CHERP: variants seen among roughly 807,000 people sequenced by gnomAD.
The protein encoded by CHERP is ERPROT 213-21.
CHERP carries 8 observed loss-of-function variants against 113.8 expected under a neutral mutation model. The observed-to-expected ratio is 0.07, with a 90% CI of 0.04 to 0.13. The LOEUF is 0.13. Among genes scored for constraint, CHERP ranks in the 10% least tolerant of loss-of-function variants. The pLI, the probability that CHERP is intolerant of heterozygous loss-of-function variation, is 1.00. For missense variants in CHERP, 884 were observed against 1,298.2 expected (o/e 0.68, Z 4.90); for synonymous variants, 559 against 524.5 (o/e 1.07, Z -0.90).
chr19:16,541,893 T>C lies in CHERP; in HGVS notation c.176A>G (p.Lys59Arg). The change falls in exon 2 of 17, where the codon AAG becomes AGG. Residue 59 changes from lysine to arginine, a missense_variant. By Grantham distance (26) the Lys-to-Arg change is conservative. Transcript: ENST00000546361. The stretch of plus-strand genomic sequence containing the variant: ...ACGCTGCTGCTGCTCCAGCGCCAGC[T>C]TGCACTTGTAGTAACTGTAGAATTC... ...GGEFYSYYKCKLALEQQQLIC... is the reference protein window; with the variant it reads ...GGEFYSYYKCRLALEQQQLIC... The C allele has an allele frequency of 6.2e-7, 1 of 1,613,124 alleles. No individual in the cohort carries two copies. Among genetic ancestry groups the C allele is most frequent in the Non-Finnish European group, 8.5e-7 (1 of 1,179,798 alleles).
Position 16,519,559 on chromosome 19 carries a change from T to A in CHERP, c.2557+62A>T. The A allele has an allele frequency of 6.9e-7, 1 of 1,448,888 alleles. No homozygotes were observed. The highest frequency in any genetic ancestry group is 9.7e-7 in the Non-Finnish European group (1 of 1,031,770). The allele number at this position is 1,448,888 out of a possible 1,614,324, so 89.8% of individuals were successfully genotyped here. ...TGCACTGAGGAAGAGAAAGCGCTGG[T>A]GACTCCCGGGCCCAGCACGCGTGAG... On this transcript the variant is annotated intron_variant, in intron 16 of 16. Transcript: ENST00000546361. The surrounding 1 kb of genome is among the most constrained non-coding windows in gnomAD (Gnocchi z 6.0).
intron 9 of CHERP, among the ~76,000 whole-genome samples, chr19:16,527,486 C>G (rs1388451278): frequency 1.3e-5 from 2 of 152,176 alleles, no homozygotes; most frequent in Non-Finnish European, 2.9e-5. Flanking sequence ...CCAACCAGGC[C>G]CCACGGGCAA....
chr19:16,530,446 C>G lies in CHERP; in HGVS notation c.876+139G>C. 2.6e-6 allele frequency: 2 copies of G among 765,270 alleles called. No homozygotes were observed. Among genetic ancestry groups the G allele is most frequent in the Non-Finnish European group, 4.5e-6 (2 of 447,112 alleles). 47.4% of individuals were successfully genotyped at this position (765,270 alleles called of 1,614,324 possible). A position where few individuals can be genotyped will look rare whatever the true frequency, so the allele number is the denominator to read the frequency against. Reference sequence around the variant, plus strand: ...CACCTGGGACTCTCTGGTCAACACACACTGGCTACTCCTAGCACAGGCAGG... The same window carrying G: ...CACCTGGGACTCTCTGGTCAACACAGACTGGCTACTCCTAGCACAGGCAGG... On this transcript the variant is annotated intron_variant, in intron 7 of 16. Transcript: ENST00000546361. This position sits in a 1 kb window ranked among gnomAD's most constrained non-coding sequence, Gnocchi z 4.1.
chr19:16,534,943 G>A lies in CHERP; in HGVS notation c.384+509C>T, dbSNP rs911030884. Among the ~76,000 whole-genome samples the A allele has an allele frequency of 4.6e-5, 7 of 152,094 alleles. No individual in the cohort carries two copies. The South Asian group carries it at 8.3e-4, about 18-fold the overall frequency. On this transcript the variant is annotated intron_variant, in intron 3 of 16. Coordinates refer to ENST00000546361, the MANE Select transcript of CHERP (RefSeq NM_006387.6). Reference sequence around the variant, plus strand: ...ATAGAAAAATTAGCCGGGTGTGGTGGTGCATGCCTGTAATCTCAGCTACTC... The same window carrying A: ...ATAGAAAAATTAGCCGGGTGTGGTGATGCATGCCTGTAATCTCAGCTACTC...
intron 3 of CHERP, 64 bp from the exon 4 acceptor site, chr19:16,533,212 G>A: frequency 1.3e-6 from 2 of 1,511,234 alleles, no homozygotes; most frequent in South Asian, 1.2e-5. Context: ...GAGCCCTCCG[G>A]CCTGGCTCAG....
intron 2 of CHERP, among the ~76,000 whole-genome samples, chr19:16,540,400 T>A (rs184260441): frequency 7.6e-6 from 1 of 131,280 alleles, no homozygotes; most frequent in African/African-American, 2.9e-5. Context: ...TTAGATGGAG[T>A]CTCATTCTGT....
In CHERP at chr19:16,519,886, G is replaced by A. The variant is rs2085592270; in HGVS notation, c.2463-171C>T. On this transcript the variant is annotated intron_variant, in intron 15 of 16. Coordinates refer to ENST00000546361, the MANE Select transcript of CHERP (RefSeq NM_006387.6). The surrounding 1 kb of genome is among the most constrained non-coding windows in gnomAD (Gnocchi z 6.0). ...TATCCTGTCTCAGCTAGATAAGGGG[G>A]CTCCAGACGCTGGCCCCCACCCCAC... 1.5e-6 allele frequency: 1 copy of A among 682,284 alleles called. No homozygotes were observed. 42.3% of individuals were successfully genotyped at this position (682,284 alleles called of 1,614,324 possible).
In CHERP at chr19:16,525,262, G is replaced by T; in HGVS notation, c.1721C>A (p.Pro574His). The change falls in exon 10 of 17, where the codon CCC becomes CAC. Residue 574 changes from proline (P) to histidine (H), a missense_variant. By Grantham distance (77) the Pro-to-His change is moderately conservative (BLOSUM62 -2). This residue lies in a region of CHERP where 464 missense variants were observed against 590.1 expected (regional missense o/e 0.79). Transcript: ENST00000546361. The surrounding 1 kb of genome is among the most constrained non-coding windows in gnomAD (Gnocchi z 6.5). ...CTCACCGGCAGGGAAGTCCCCCTGGGGGTAGTCGAAGCGGTGGGGATAGGG... is the reference window on the plus strand; with the variant it reads ...CTCACCGGCAGGGAAGTCCCCCTGGTGGTAGTCGAAGCGGTGGGGATAGGG... ...RPPYPHRFDY[P>H]QGDFPAEMGP... 7.0e-7 allele frequency: 1 copy of T among 1,433,126 alleles called. No individual in the cohort carries two copies. Among genetic ancestry groups the T allele is most frequent in the East Asian group, 2.7e-5 (1 of 37,518 alleles). 88.8% of individuals were successfully genotyped at this position (1,433,126 alleles called of 1,614,324 possible).
Position 16,519,934 on chromosome 19 carries a change from C to T in CHERP, c.2462+215G>A, listed in dbSNP as rs890976566. 1.5e-6 allele frequency: 1 copy of T among 658,222 alleles called. No individual in the cohort carries two copies. The highest frequency in any genetic ancestry group is 2.6e-6 in the Non-Finnish European group (1 of 381,980). 40.8% of individuals were successfully genotyped at this position (658,222 alleles called of 1,614,324 possible). ...CACGCTCAGCATTGAGAGCAGGACA[C>T]CTCCAACCCAGATGGTGGTTAGAAA... On this transcript the variant is annotated intron_variant, in intron 15 of 16. Coordinates refer to ENST00000546361, the MANE Select transcript of CHERP (RefSeq NM_006387.6). The surrounding 1 kb of genome is among the most constrained non-coding windows in gnomAD (Gnocchi z 6.0).
chr19:16,528,827 C>T (rs2085674629), intron 8 of CHERP, among the ~76,000 whole-genome samples: 1 of 152,182 alleles, frequency 6.6e-6, no homozygotes, highest in South Asian at 2.1e-4. Flanking sequence ...GTTGCGTGCG[C>T]CTGTAGTCCT....
At position 16,525,636 on chromosome 19, in the gene CHERP, T is replaced by C; in HGVS notation, c.1347A>G (p.Pro449=). The C allele has an allele frequency of 6.5e-7, 1 of 1,527,912 alleles. No individual in the cohort carries two copies. The highest frequency in any genetic ancestry group is 8.8e-7 in the Non-Finnish European group (1 of 1,139,994). 94.6% of individuals were successfully genotyped at this position (1,527,912 alleles called of 1,614,324 possible). A position where few individuals can be genotyped will look rare whatever the true frequency, so the allele number is the denominator to read the frequency against. The change falls in exon 10 of 17, where the codon CCA becomes CCG. Residue 449 remains proline, a synonymous_variant. Transcript: ENST00000546361. This position sits in a 1 kb window ranked among gnomAD's most constrained non-coding sequence, Gnocchi z 6.5. ...TGTTGTTCCAGGGGGGGCAGTGGGG[T>C]GGGCCGCCCTGGTGGTGCGGGTAGG... is the stretch of plus-strand genomic sequence containing the variant. The part of the protein sequence containing the change: ...QPPYPHHQGG[P]PHCPPWNNSH...
Position 16,532,561 on chromosome 19 carries a change from G to C in CHERP, c.674+37C>G. 6.4e-6 allele frequency: 10 copies of C among 1,555,730 alleles called. No individual in the cohort carries two copies. Among genetic ancestry groups the C allele is most frequent in the Non-Finnish European group, 8.7e-6 (10 of 1,150,226 alleles). On this transcript the variant is annotated intron_variant, in intron 5 of 16. Transcript: ENST00000546361. The surrounding 1 kb of genome is among the most constrained non-coding windows in gnomAD (Gnocchi z 4.4). The stretch of plus-strand genomic sequence containing the variant: ...CCAGGAGGGTTGAGGAGGAGCGCGA[G>C]GAAGTGGCGCTCTGGGCACGGGGTG...
rs7783 is a variant in CHERP, at chr19:16,518,378, A to G, written c.*781T>C. 64,716 of 151,794 alleles carry G rather than the reference A, an allele frequency of 0.43. 15,306 individuals are homozygous for G. The highest frequency in any genetic ancestry group is 0.65 in the African/African-American group (26,724 of 41,350). The allele number at this position is 151,794 out of a possible 1,614,324, so 9.4% of individuals were successfully genotyped here. On this transcript the variant is annotated 3_prime_UTR_variant, in exon 17 of 17. Transcript: ENST00000546361. ...GGGCACAGACTCCGAGGCAGCGCTC[A>G]ACCTGAAGTGTCTTAGGCTGGTTTC...
In CHERP at chr19:16,530,332, AAATGGGCCATGTGC is replaced by A; in HGVS notation, c.876+239_876+252del. Among the ~76,000 whole-genome samples the A allele has an allele frequency of 6.6e-6, 1 of 152,314 alleles. No homozygotes were observed. Among genetic ancestry groups the A allele is most frequent in the South Asian group, 2.1e-4 (1 of 4,822 alleles). ...CCGGAACATGCCTGACCACCAGAGC[AAATGGGCCATGTGC>A]AATGACTCCGAAAGGCCGCCTGGTT... On this transcript the variant is annotated intron_variant, in intron 7 of 16. Transcript: ENST00000546361. This position sits in a 1 kb window ranked among gnomAD's most constrained non-coding sequence, Gnocchi z 4.1.
chr19:16,533,797 A>C (rs1420465543), intron 3 of CHERP, among the ~76,000 whole-genome samples: 8 of 146,036 alleles, frequency 5.5e-5, no homozygotes, highest in African/African-American at 1.6e-4. Flanking sequence ...ACAACAACAA[A>C]AAGAAAAGAA....
chr19:16,538,339 T>C (rs921647572), intron 2 of CHERP, among the ~76,000 whole-genome samples: 1 of 152,238 alleles, frequency 6.6e-6, no homozygotes, highest in African/African-American at 2.4e-5. Flanking sequence ...TGTTTTCACC[T>C]GGCCAACTCC....
At chr19:16,539,183 T>C (rs2085760670) in intron 2 of CHERP, among the ~76,000 whole-genome samples, 1 of 149,212 alleles carries the variant, frequency 6.7e-6, no homozygotes, top group Non-Finnish European at 1.5e-5. Flanking sequence ...AGTCTCGCTC[T>C]GTCGCCCAGG....
In CHERP at chr19:16,535,546, G is replaced by A. The variant is rs771837058; in HGVS notation, c.290C>T (p.Pro97Leu). Residue 97 changes from proline to leucine, a missense_variant, in exon 3 of 17, where the codon CCG (proline) becomes CTG (leucine). This residue lies in a region of CHERP where 109 missense variants were observed against 134.2 expected (regional missense o/e 0.81). Transcript: ENST00000546361. This position sits in a 1 kb window ranked among gnomAD's most constrained non-coding sequence, Gnocchi z 4.3. ...CATGGATGGCGCGCCCTGGGCCGGC[G>A]GGATGGGCGCGGCGGGGGCCAGCGG... Reference protein sequence around the residue: ...QPPLAPAAPIPPAQGAPSMDE... With the variant: ...QPPLAPAAPILPAQGAPSMDE... The A allele has an allele frequency of 4.2e-5, 67 of 1,592,848 alleles. No homozygotes were observed. The highest frequency in any genetic ancestry group is 5.2e-5 in the Non-Finnish European group (61 of 1,170,350).
At chr19:16,539,118 T>G (rs946229307) in intron 2 of CHERP, among the ~76,000 whole-genome samples, 2 of 151,596 alleles carry the variant, frequency 1.3e-5, no homozygotes, top group Non-Finnish European at 2.9e-5. Flanking sequence ...TTTAAAACTC[T>G]TGTGGCTTCC....
Sources: gnomAD v4.1 joint callset for allele counts (sites outside exome capture counted in the v4.1 genomes callset) on GRCh38, gnomAD v4.1.1 for gene constraint, gnomAD v4.1.1 regional missense constraint, Gnocchi (gnomAD v3.1) non-coding constraint, MANE v1.5 for transcripts, NCBI Gene and HGNC (gene_info 2026-07-23, HGNC 2026-07-21) for gene names.